Variants in TDRD5 observed in about 807,000 individuals in gnomAD.
The protein encoded by TDRD5 is tudor domain containing 5.
In TDRD5, 41 loss-of-function variants were observed where a neutral mutation model predicts 120.6. That is an observed-to-expected ratio of 0.34 (90% confidence interval 0.26 to 0.44). The LOEUF is 0.44. Ranked by LOEUF, TDRD5 falls within the 20% of genes least tolerant of loss-of-function variation. The pLI is 1.00. For missense variants in TDRD5, 1,006 were observed against 1,221.2 expected (o/e 0.82, Z 2.63); for synonymous variants, 430 against 433.7 (o/e 0.99, Z 0.11).
At chr1:179,609,285 T>A (rs1354839852) in intron 4 of TDRD5, among the ~76,000 whole-genome samples, 1 of 152,192 alleles carries the variant, frequency 6.6e-6, no homozygotes, top group East Asian at 1.9e-4. Flanking sequence ...GATCCCAGTC[T>A]AAATATGAAA....
rs1438484508 is a variant in TDRD5 at position 179,654,251 on chromosome 1, G to A, written c.2211G>A (p.Lys737=). The change falls in exon 14 of 18, where the codon AAG becomes AAA. Residue 737 remains lysine (K), a synonymous_variant. Transcript: ENST00000444136. The part of the protein sequence containing the change: ...KSLSHLKSES[K]EPLKDSEFES... ...TAAGTCATCTTAAATCTGAGTCAAA[G>A]GAGCCATTAAAGGATTCTGAATTTG... 1.9e-6 allele frequency: 3 copies of A among 1,548,628 alleles called. No individual in the cohort carries two copies. The highest frequency in any genetic ancestry group is 8.7e-7 in the Non-Finnish European group (1 of 1,145,942).
chr1:179,654,092 G>A (rs939313514), intron 13 of TDRD5, 109 bp from the exon 14 acceptor site: 5 of 847,444 alleles, frequency 5.9e-6, no homozygotes, highest in Admixed American at 6.0e-5. Context: ...AAATAATGTA[G>A]CATTTGTGTG....
chr1:179,603,723 A>G (rs971783587), intron 4 of TDRD5, among the ~76,000 whole-genome samples: 1 of 152,172 alleles, frequency 6.6e-6, no homozygotes, highest in African/African-American at 2.4e-5. Flanking sequence ...CCTGGTATGA[A>G]ACTCACTTGA....
intron 4 of TDRD5, among the ~76,000 whole-genome samples, chr1:179,617,189 A>C: frequency 6.6e-6 from 1 of 152,186 alleles, no homozygotes; most frequent in Middle Eastern, 3.4e-3. Flanking sequence ...ATAGGGGAAA[A>C]CCCTCATAAA....
chr1:179,686,922 T>G (rs1572450499), intron 17 of TDRD5, among the ~76,000 whole-genome samples: 1 of 133,426 alleles, frequency 7.5e-6, no homozygotes, highest in South Asian at 2.4e-4. Context: ...ATCTATTTGA[T>G]TCTTCTCTCT....
intron 6 of TDRD5, among the ~76,000 whole-genome samples, chr1:179,623,197 C>A (rs1676930621): frequency 6.6e-6 from 1 of 152,086 alleles, no homozygotes; most frequent in Non-Finnish European, 1.5e-5. Flanking sequence ...GAATTGGAAG[C>A]AGACTGGTAC....
intron 17 of TDRD5, among the ~76,000 whole-genome samples, chr1:179,681,517 C>T (rs1680419737): frequency 2.0e-5 from 3 of 152,218 alleles, no homozygotes; most frequent in South Asian, 2.1e-4. Flanking sequence ...TGTTTAGTCA[C>T]ATATTTTCCA....
At chr1:179,601,186 A>T (rs1410913795) in intron 4 of TDRD5, among the ~76,000 whole-genome samples, 1 of 152,228 alleles carries the variant, frequency 6.6e-6, no homozygotes, top group African/African-American at 2.4e-5. Context: ...ATTTTCAAAC[A>T]TAATTATAGA....
chr1:179,680,685 T>C lies in TDRD5; in HGVS notation c.2861-10011T>C, dbSNP rs145527017. On this transcript the variant is annotated intron_variant, in intron 17 of 17. Coordinates refer to ENST00000444136, the MANE Select transcript of TDRD5 (RefSeq NM_001199085.3). The stretch of plus-strand genomic sequence containing the variant: ...TTATACTTAAAATAGGTTTCTTGGC[T>C]AGGTGCTGTGGCTCACGCCTGTAAT... Among the ~76,000 whole-genome samples the C allele has an allele frequency of 1.8e-4, 28 of 152,312 alleles. 2 individuals carry two copies. The highest frequency in any genetic ancestry group is 1.8e-3 in the Admixed American group (28 of 15,302).
chr1:179,639,788 C>T, intron 9 of TDRD5, 51 bp from the exon 10 acceptor site: 1 of 1,558,874 alleles, frequency 6.4e-7, no homozygotes, highest in Non-Finnish European at 8.7e-7. Flanking sequence ...TAAAAATTAT[C>T]TTTAATTTTT....
intron 4 of TDRD5, among the ~76,000 whole-genome samples, chr1:179,596,716 A>G (rs112772918): frequency 0.021 from 3,212 of 152,260 alleles, 95 homozygotes; most frequent in African/African-American, 0.071. Flanking sequence ...TACCTTCCCC[A>G]TTAGATGACA....
intron 4 of TDRD5, among the ~76,000 whole-genome samples, chr1:179,603,871 T>C (rs1215673335): frequency 1.3e-5 from 2 of 152,138 alleles, no homozygotes; most frequent in Non-Finnish European, 2.9e-5. Flanking sequence ...GATTTTGGTA[T>C]TAGGGTGATG....
chr1:179,654,396 A>G (rs1678879605), intron 14 of TDRD5, 34 bp downstream of exon 14: 1 of 1,500,204 alleles, frequency 6.7e-7, no homozygotes, highest in Admixed American at 2.2e-5. Context: ...TGAATATGTA[A>G]TTAATATAAT....
At chr1:179,609,120 C>T (rs1676147158) in intron 4 of TDRD5, among the ~76,000 whole-genome samples, 1 of 151,884 alleles carries the variant, frequency 6.6e-6, no homozygotes, top group South Asian at 2.1e-4. Context: ...GAGAAAAGGC[C>T]ATATAAGTAC....
chr1:179,621,114 A>G (rs1270925313), intron 6 of TDRD5, 23 bp downstream of exon 6: 1 of 1,578,348 alleles, frequency 6.3e-7, no homozygotes, highest in Non-Finnish European at 8.6e-7. Flanking sequence ...CTTTTCCCCA[A>G]CCCTAATTTT....
At chr1:179,595,551 T>A in intron 3 of TDRD5, 77 bp from the exon 4 acceptor site, 1 of 1,318,028 alleles carries the variant, frequency 7.6e-7, no homozygotes. Context: ...CACAGTAGCC[T>A]CTGTATGTAG....
chr1:179,602,867 T>C (rs1241381119), intron 4 of TDRD5, among the ~76,000 whole-genome samples: 1 of 152,174 alleles, frequency 6.6e-6, no homozygotes, highest in East Asian at 1.9e-4. Context: ...CGGGCTCTTT[T>C]TTGGTTCCAT....
At chr1:179,608,991 T>C (rs1007369608) in intron 4 of TDRD5, among the ~76,000 whole-genome samples, 3 of 152,098 alleles carry the variant, frequency 2.0e-5, no homozygotes, top group African/African-American at 7.2e-5. Context: ...TATTAGGAGA[T>C]GGGGTCTTTA....
At chr1:179,679,329 T>G (rs1680307909) in intron 17 of TDRD5, among the ~76,000 whole-genome samples, 1 of 152,162 alleles carries the variant, frequency 6.6e-6, no homozygotes. Flanking sequence ...AGTTTTCTTT[T>G]TTTATAATGT....
Sources: allele counts gnomAD v4.1 joint callset (sites outside exome capture counted in the v4.1 genomes callset), GRCh38; gene constraint gnomAD v4.1.1; transcripts MANE v1.5; gene names NCBI Gene and HGNC (gene_info 2026-07-23, HGNC 2026-07-21).